ZNF536: variants seen among roughly 807,000 people sequenced by gnomAD.
ZNF536 encodes zinc finger protein 536.
In ZNF536, 13 loss-of-function variants were observed where a neutral mutation model predicts 84.5. The ratio of observed to expected loss-of-function variants is 0.15; its 90% CI spans 0.10 to 0.24. The LOEUF is 0.24. Ranked by LOEUF, ZNF536 falls within the 10% of genes least tolerant of loss-of-function variation. The pLI, the probability that ZNF536 is intolerant of heterozygous loss-of-function variation, is 1.00. For synonymous variants in ZNF536, 811 were observed against 742.5 expected (o/e 1.09, Z -1.50); for missense variants, 1,536 against 1,747.5 (o/e 0.88, Z 2.16).
rs571732200 is a variant in ZNF536 at position 30,498,415 on chromosome 19, A to G, written c.2171-36432A>G. Reference sequence around the variant, plus strand: ...AGAACACATGGACACAGGGAGGGGAACAACACACACTGGGGCCTGTCAGGG... The same window carrying G: ...AGAACACATGGACACAGGGAGGGGAGCAACACACACTGGGGCCTGTCAGGG... On this transcript the variant is annotated intron_variant, in intron 2 of 4. Transcript: ENST00000355537. Among the ~76,000 whole-genome samples, 4 of 152,202 alleles carry G rather than the reference A, an allele frequency of 2.6e-5. No individual in the cohort carries two copies. The South Asian group carries it at 8.3e-4, about 32-fold the overall frequency.
chr19:30,603,560 A>G (rs2047766892), intron 1 of ZNF536, among the ~76,000 whole-genome samples: 1 of 152,212 alleles, frequency 6.6e-6, no homozygotes, highest in Non-Finnish European at 1.5e-5. Context: ...CTTATTGAAC[A>G]CTATGGATAT....
chr19:30,451,198 C>A (rs2052590738), intron 2 of ZNF536, among the ~76,000 whole-genome samples: 1 of 152,244 alleles, frequency 6.6e-6, no homozygotes, highest in Non-Finnish European at 1.5e-5. Flanking sequence ...CCGTGTCTTC[C>A]CCTGGCGGCC....
chr19:30,374,946 G>A (rs982520107), intron 1 of ZNF536, among the ~76,000 whole-genome samples: 22 of 151,978 alleles, frequency 1.4e-4, no homozygotes, highest in Non-Finnish European at 2.8e-4. Flanking sequence ...AGGGTTAATT[G>A]AGGATCATTG....
At chr19:30,347,359 G>A (rs1167531258) in intron 2 of ZNF536, among the ~76,000 whole-genome samples, 2 of 152,184 alleles carry the variant, frequency 1.3e-5, no homozygotes, top group Non-Finnish European at 2.9e-5. Flanking sequence ...TGCTTTTTGG[G>A]CAGCCTGGCA....
upstream of ZNF536, among the ~76,000 whole-genome samples, chr19:30,369,927 G>T (rs1332824083): frequency 6.6e-6 from 1 of 152,120 alleles, no homozygotes; most frequent in Non-Finnish European, 1.5e-5. Context: ...AATTTAGCTA[G>T]CTCCTGGATC....
At chr19:30,698,103 C>A (rs1337156002) in intron 1 of ZNF536, among the ~76,000 whole-genome samples, 1 of 152,148 alleles carries the variant, frequency 6.6e-6, no homozygotes. Context: ...ACCAGCCTGG[C>A]CAACATGGTG....
chr19:30,659,130 C>T (rs1453118756), intron 1 of ZNF536, among the ~76,000 whole-genome samples: 4 of 152,122 alleles, frequency 2.6e-5, no homozygotes, highest in Non-Finnish European at 5.9e-5. Flanking sequence ...TCTTGCACTG[C>T]TATAAAGGAA....
chr19:30,370,770 C>T (rs538414829), upstream of ZNF536, among the ~76,000 whole-genome samples: 7 of 152,062 alleles, frequency 4.6e-5, no homozygotes, highest in Non-Finnish European at 8.8e-5. Flanking sequence ...TAATCAGGTA[C>T]GGGGGATATT....
At chr19:30,507,802 G>A (rs1373792421) in intron 2 of ZNF536, among the ~76,000 whole-genome samples, 1 of 152,212 alleles carries the variant, frequency 6.6e-6, no homozygotes, top group Middle Eastern at 3.4e-3. Context: ...AACCCAGTAG[G>A]CACAAATAAG....
chr19:30,629,924 C>A (rs966314557), intron 1 of ZNF536, among the ~76,000 whole-genome samples: 9 of 152,218 alleles, frequency 5.9e-5, no homozygotes, highest in Non-Finnish European at 1.3e-4. Flanking sequence ...CTGAGCAACC[C>A]CGTGCCATCC....
At chr19:30,630,917 G>A (rs1002810433) in intron 1 of ZNF536, among the ~76,000 whole-genome samples, 2 of 152,220 alleles carry the variant, frequency 1.3e-5, no homozygotes, top group African/African-American at 2.4e-5. Flanking sequence ...TGTTCTGCAA[G>A]GCCATCCAGA....
chr19:30,342,287 G>A (rs1019437375), intron 2 of ZNF536, among the ~76,000 whole-genome samples: 2 of 152,032 alleles, frequency 1.3e-5, no homozygotes, highest in African/African-American at 4.8e-5. Context: ...TTGCTGTAGT[G>A]CATTATTTTT....
chr19:30,261,713 A>G (rs1462412400), intron 1 of ZNF536, among the ~76,000 whole-genome samples: 4 of 151,766 alleles, frequency 2.6e-5, no homozygotes, highest in Non-Finnish European at 4.4e-5. Context: ...AAAAAAAAAA[A>G]AAAAGAAAAA....
chr19:30,391,227 C>T (rs1263977884), intron 1 of ZNF536, among the ~76,000 whole-genome samples: 2 of 152,204 alleles, frequency 1.3e-5, no homozygotes, highest in East Asian at 3.9e-4. Context: ...TTTCTGATCC[C>T]AGGTCCAAAG....
intron 3 of ZNF536, among the ~76,000 whole-genome samples, chr19:30,357,418 G>A (rs756381016): frequency 6.6e-6 from 1 of 152,092 alleles, no homozygotes; most frequent in Non-Finnish European, 1.5e-5. Flanking sequence ...GGGGTGGAGG[G>A]CCTTTATCAG....
intron 1 of ZNF536, among the ~76,000 whole-genome samples, chr19:30,626,939 G>C (rs1774998326): frequency 6.6e-6 from 1 of 152,142 alleles, no homozygotes; most frequent in Non-Finnish European, 1.5e-5. Context: ...TGGGGTTGTG[G>C]ATATTTTAGG....
intron 1 of ZNF536, among the ~76,000 whole-genome samples, chr19:30,262,110 C>T (rs181605535): frequency 2.0e-5 from 3 of 152,246 alleles, no homozygotes; most frequent in East Asian, 1.9e-4. Flanking sequence ...GTTTAGGTGG[C>T]GATGGTGGTG....
intron 2 of ZNF536, among the ~76,000 whole-genome samples, chr19:30,285,634 C>T (rs1163983190): frequency 6.6e-6 from 1 of 152,184 alleles, no homozygotes; most frequent in African/African-American, 2.4e-5. Context: ...CCAGAAATGC[C>T]CCTCTCTGAC....
chr19:30,585,429 T>C (rs2146723002), intron 1 of ZNF536, among the ~76,000 whole-genome samples: 1 of 152,260 alleles, frequency 6.6e-6, no homozygotes, highest in Non-Finnish European at 1.5e-5. Flanking sequence ...AACAAATGAA[T>C]GAAGTAAACA....
Sources: gnomAD v4.1 joint callset for allele counts (sites outside exome capture counted in the v4.1 genomes callset) on GRCh38, gnomAD v4.1.1 for gene constraint, MANE v1.5 for transcripts, NCBI Gene and HGNC (gene_info 2026-07-23, HGNC 2026-07-21) for gene names.